Variants in RAB3C observed in about 807,000 individuals in gnomAD.
RAB3C encodes the protein ras-related protein Rab-3C.
Under a neutral mutation model 26.4 loss-of-function variants are expected in RAB3C, and 17 were observed. The observed-to-expected ratio is 0.64, with a 90% CI of 0.44 to 0.97. RAB3C has a LOEUF of 0.97. RAB3C is among the 50% of genes least tolerant of loss of function. The pLI, the probability that RAB3C is intolerant of heterozygous loss-of-function variation, is 0.00. For synonymous variants in RAB3C, 91 were observed against 95.9 expected (o/e 0.95, Z 0.30); for missense variants, 242 against 281.9 (o/e 0.86, Z 1.01).
chr5:58,741,733 G>A (rs1400800707), intron 3 of RAB3C: 1 of 152,104 alleles, frequency 6.6e-6, no homozygotes, highest in Non-Finnish European at 1.5e-5. Context: ...GGCCAGGTGT[G>A]GTGGCTCACA....
chr5:58,791,119 C>T (rs1742514249), intron 3 of RAB3C, among the ~76,000 whole-genome samples: 1 of 151,856 alleles, frequency 6.6e-6, no homozygotes, highest in Non-Finnish European at 1.5e-5. Context: ...AAGCCCTTTA[C>T]CCATGGCAGC....
chr5:58,772,397 A>G (rs1449275455), intron 3 of RAB3C, among the ~76,000 whole-genome samples: 2 of 152,122 alleles, frequency 1.3e-5, no homozygotes, highest in African/African-American at 4.8e-5. Context: ...GAGTCTCTCC[A>G]TTAGAATAGA....
At chr5:58,806,964 G>T (rs115251524) in intron 3 of RAB3C, among the ~76,000 whole-genome samples, 3 of 152,168 alleles carry the variant, frequency 2.0e-5, no homozygotes, top group African/African-American at 7.2e-5. Flanking sequence ...GAATGCAGAG[G>T]TACCAACAGG....
At chr5:58,775,882 A>G (rs186759407) in intron 3 of RAB3C, among the ~76,000 whole-genome samples, 2 of 152,182 alleles carry the variant, frequency 1.3e-5, no homozygotes, top group East Asian at 1.9e-4. Flanking sequence ...CATTTCCCCA[A>G]TTCTCAGCCT....
intron 3 of RAB3C, among the ~76,000 whole-genome samples, chr5:58,820,814 C>T (rs986588039): frequency 6.6e-6 from 1 of 151,970 alleles, no homozygotes; most frequent in African/African-American, 2.4e-5. Context: ...TCTTCTTGGT[C>T]ATATATTTTT....
intron 3 of RAB3C, among the ~76,000 whole-genome samples, chr5:58,811,898 C>G (rs1296067203): frequency 6.6e-6 from 1 of 152,084 alleles, no homozygotes; most frequent in African/African-American, 2.4e-5. Flanking sequence ...CTCTTCACCC[C>G]AGAGACCCCA....
At chr5:58,824,930 T>TA in intron 3 of RAB3C, 108 bp from the exon 4 acceptor site, 1 of 781,562 alleles carries the variant, frequency 1.3e-6, no homozygotes, top group South Asian at 2.0e-5. Context: ...CATCGTGTTT[T>TA]TTTTTTCCTT....
chr5:58,731,315 T>C (rs1178150168), intron 3 of RAB3C, among the ~76,000 whole-genome samples: 2 of 152,132 alleles, frequency 1.3e-5, no homozygotes, highest in Non-Finnish European at 2.9e-5. Context: ...CCCAGTTCTG[T>C]AAAATTAATA....
chr5:58,631,881 T>C (rs760290311), intron 2 of RAB3C, among the ~76,000 whole-genome samples: 1 of 152,248 alleles, frequency 6.6e-6, no homozygotes, highest in Non-Finnish European at 1.5e-5. Context: ...GAAAGCATTT[T>C]TCTTACTTTG....
At chr5:58,711,303 G>T (rs935431020) in intron 2 of RAB3C, among the ~76,000 whole-genome samples, 6 of 152,020 alleles carry the variant, frequency 3.9e-5, no homozygotes, top group African/African-American at 1.4e-4. Flanking sequence ...TGACAGGCTC[G>T]CTTCGATTTT....
chr5:58,770,216 C>G (rs1742004252), intron 3 of RAB3C, among the ~76,000 whole-genome samples: 1 of 152,138 alleles, frequency 6.6e-6, no homozygotes, highest in South Asian at 2.1e-4. Flanking sequence ...TTCTCTCCTG[C>G]TAATGGGTTA....
chr5:58,833,324 T>TCTCACACACACACACACACACA (rs1554021454), intron 4 of RAB3C, among the ~76,000 whole-genome samples: 1 of 141,070 alleles, frequency 7.1e-6, no homozygotes, highest in African/African-American at 2.6e-5. Flanking sequence ...ACGGACCCCA[T>TCTCACACACACACACACACACA]CACACACACA....
intron 2 of RAB3C, among the ~76,000 whole-genome samples, chr5:58,671,834 G>A (rs1417885688): frequency 6.6e-6 from 1 of 152,108 alleles, no homozygotes; most frequent in African/African-American, 2.4e-5. Flanking sequence ...CAAAATACAA[G>A]TTTATTTAGA....
intron 2 of RAB3C, among the ~76,000 whole-genome samples, chr5:58,710,331 G>T (rs185652665): frequency 4.7e-4 from 72 of 152,166 alleles, no homozygotes; most frequent in African/African-American, 1.7e-3. Context: ...GGGCGTGGTG[G>T]CTCACACCTA....
intron 3 of RAB3C, among the ~76,000 whole-genome samples, chr5:58,797,911 A>C (rs551522094): frequency 6.6e-6 from 1 of 152,228 alleles, no homozygotes; most frequent in Non-Finnish European, 1.5e-5. Flanking sequence ...GGATAAAATA[A>C]TAATTAGCAT....
At chr5:58,597,093 A>ATATATATTATATAATATGTATAATACATT (rs1561260549) in intron 1 of RAB3C, among the ~76,000 whole-genome samples, 1 of 18,406 alleles carries the variant, frequency 5.4e-5, no homozygotes, top group Non-Finnish European at 7.8e-5. Context: ...TATAATACAT[A>ATATATATTATATAATATGTATAATACATT]ATATATATTA....
chr5:58,727,057 A>T (rs1740905600), intron 3 of RAB3C, among the ~76,000 whole-genome samples: 1 of 152,016 alleles, frequency 6.6e-6, no homozygotes, highest in Admixed American at 6.6e-5. Context: ...TTTAACTGTA[A>T]ATATAATCAC....
chr5:58,759,360 G>A (rs763039813), intron 3 of RAB3C, among the ~76,000 whole-genome samples: 1 of 152,172 alleles, frequency 6.6e-6, no homozygotes, highest in Non-Finnish European at 1.5e-5. Flanking sequence ...CTGCATCCAG[G>A]TGCATGCAAT....
At chr5:58,800,354 G>C (rs1245707834) in intron 3 of RAB3C, among the ~76,000 whole-genome samples, 1 of 152,198 alleles carries the variant, frequency 6.6e-6, no homozygotes, top group Non-Finnish European at 1.5e-5. Context: ...AGGCAGGCAG[G>C]AGGGAAACGC....
Sources: allele counts gnomAD v4.1 joint callset (sites outside exome capture counted in the v4.1 genomes callset), GRCh38; gene constraint gnomAD v4.1.1; transcripts MANE v1.5; gene names NCBI Gene and HGNC (gene_info 2026-07-23, HGNC 2026-07-21).